MFHAS1: variants seen among roughly 807,000 people sequenced by gnomAD.
MFHAS1 encodes the protein malignant fibrous histiocytoma-amplified sequence 1.
A neutral mutation model predicts 70.4 loss-of-function variants in MFHAS1; 50 were observed. The observed-to-expected ratio is 0.71, with a 90% confidence interval of 0.57 to 0.90. The LOEUF is 0.90. Among genes scored for constraint, MFHAS1 ranks in the 40% least tolerant of loss-of-function variants. The pLI is 0.00. For synonymous variants in MFHAS1, 952 were observed against 620.0 expected (o/e 1.54, Z -7.96); for missense variants, 1,795 against 1,347.6 (o/e 1.33, Z -5.20).
rs188155351 is a variant in MFHAS1 at position 8,817,677 on chromosome 8, G to C, written c.2999-20186C>G. Among the ~76,000 whole-genome samples, 7 of 152,328 alleles carry C rather than the reference G, an allele frequency of 4.6e-5. No individual in the cohort carries two copies. In the East Asian group the frequency reaches 1.2e-3, roughly 25 times the overall value. Reference sequence around the variant, plus strand: ...CTGTTTGGCACTAGAAACCAGTTTCGTGGAAGATGATTTTTCCAGGGATGG... The same window carrying C: ...CTGTTTGGCACTAGAAACCAGTTTCCTGGAAGATGATTTTTCCAGGGATGG... On this transcript the variant is annotated intron_variant, in intron 1 of 2. Transcript: ENST00000276282.
chr8:8,813,600 A>G, intron 1 of MFHAS1, among the ~76,000 whole-genome samples: 1 of 152,334 alleles, frequency 6.6e-6, no homozygotes, highest in Non-Finnish European at 1.5e-5. Flanking sequence ...TAAAATTTAA[A>G]TAGAAAAAAC....
chr8:8,817,266 A>C (rs1169969842), intron 1 of MFHAS1, among the ~76,000 whole-genome samples: 1 of 146,100 alleles, frequency 6.8e-6, no homozygotes, highest in Non-Finnish European at 1.5e-5. Context: ...CTATGAAAGG[A>C]AAAAAAAAAA....
At position 8,784,187 on chromosome 8, in the gene MFHAS1, T is replaced by C. The variant is rs1419121003; in HGVS notation, c.*1835A>G. The C allele has an allele frequency of 6.6e-6, 1 of 152,138 alleles. No individual in the cohort carries two copies. Among genetic ancestry groups the C allele is most frequent in the South Asian group, 2.1e-4 (1 of 4,828 alleles). The allele number at this position is 152,138 out of a possible 1,614,324, so 9.4% of individuals were successfully genotyped here. ...AGGTCAAAGTTGGTTAATTTAACAG[T>C]TGAGGAACCGTCTCATGCCAATTAA... On this transcript the variant is annotated 3_prime_UTR_variant, in exon 3 of 3. Coordinates refer to ENST00000276282, the MANE Select transcript of MFHAS1 (RefSeq NM_004225.3).
intron 1 of MFHAS1, among the ~76,000 whole-genome samples, chr8:8,877,301 CAAAAAA>C (rs3989409): frequency 1.6e-5 from 1 of 63,796 alleles, no homozygotes. Context: ...GACCCTGCCT[CAAAAAA>C]AAAAAAAAAA....
intron 1 of MFHAS1, among the ~76,000 whole-genome samples, chr8:8,846,264 G>A (rs554298710): frequency 7.8e-5 from 7 of 90,242 alleles, no homozygotes; most frequent in Non-Finnish European, 1.7e-4. Context: ...AAAAAAAAGG[G>A]GGGGGGGGAA....
Position 8,853,215 on chromosome 8 carries a change from CA to C in MFHAS1, c.2998+36845del, listed in dbSNP as rs202210427. On this transcript the variant is annotated intron_variant, in intron 1 of 2. Transcript: ENST00000276282. ...CTCACACACACACTCACATACCCCC[CA>C]AAAAAAATGGAGGCTTAAAATACCC... is the stretch of plus-strand genomic sequence containing the variant. Among the ~76,000 whole-genome samples, 467 of 151,624 alleles carry C rather than the reference CA, an allele frequency of 3.1e-3. 3 individuals carry two copies. The highest frequency in any genetic ancestry group is 0.01 in the African/African-American group (422 of 41,384).
chr8:8,870,528 G>C (rs1004209242), intron 1 of MFHAS1, among the ~76,000 whole-genome samples: 2 of 152,066 alleles, frequency 1.3e-5, no homozygotes, highest in African/African-American at 2.4e-5. Context: ...ATTGATAAAT[G>C]AATAGTTGGG....
chr8:8,851,788 T>C (rs544717878), intron 1 of MFHAS1, among the ~76,000 whole-genome samples: 13 of 152,124 alleles, frequency 8.5e-5, no homozygotes, highest in Non-Finnish European at 1.3e-4. Flanking sequence ...CTTAAAGTAA[T>C]AGTAAACTAA....
chr8:8,891,066 C>G lies in MFHAS1; in HGVS notation c.1993G>C (p.Val665Leu), dbSNP rs757009597. 2.0e-5 allele frequency: 33 copies of G among 1,613,638 alleles called. No homozygotes were observed. The highest frequency in any genetic ancestry group is 2.7e-5 in the Non-Finnish European group (32 of 1,179,930). Reference protein sequence around the residue: ...LHRVLPRSWQVLEELHFQPPQ... With the variant: ...LHRVLPRSWQLLEELHFQPPQ... Reference sequence around the variant, plus strand: ...GGCTGGAAATGCAGTTCCTCCAGCACCTGCCAGGATCGAGGCAGTACTCTG... The same window carrying G: ...GGCTGGAAATGCAGTTCCTCCAGCAGCTGCCAGGATCGAGGCAGTACTCTG... The change falls in exon 1 of 3, where the codon GTG becomes CTG. Residue 665 changes from valine (V) to leucine (L), a missense_variant. Coordinates refer to ENST00000276282, the MANE Select transcript of MFHAS1 (RefSeq NM_004225.3). This position sits in a 1 kb window ranked among gnomAD's most constrained non-coding sequence, Gnocchi z 5.4.
Position 8,851,424 on chromosome 8 carries a change from G to C in MFHAS1, c.2998+38637C>G, listed in dbSNP as rs141240995. Reference sequence around the variant, plus strand: ...CAAACGTCTCAGAAATGCATGGACAGGTTCAGGGAAATACTCTTAAAAGTG... The same window carrying C: ...CAAACGTCTCAGAAATGCATGGACACGTTCAGGGAAATACTCTTAAAAGTG... On this transcript the variant is annotated intron_variant, in intron 1 of 2. Coordinates refer to ENST00000276282, the MANE Select transcript of MFHAS1 (RefSeq NM_004225.3). Among the ~76,000 whole-genome samples the C allele has an allele frequency of 4.0e-3, 609 of 152,296 alleles. 1 individual carries two copies. The highest frequency in any genetic ancestry group is 0.014 in the African/African-American group (572 of 41,568).
chr8:8,829,253 C>G (rs78852941), intron 1 of MFHAS1, among the ~76,000 whole-genome samples: 6 of 152,280 alleles, frequency 3.9e-5, no homozygotes, highest in African/African-American at 1.4e-4. Flanking sequence ...GTATGTGTAC[C>G]GGGCTGCACC....
chr8:8,883,409 C>T (rs1393193697), intron 1 of MFHAS1, among the ~76,000 whole-genome samples: 1 of 151,770 alleles, frequency 6.6e-6, no homozygotes, highest in Non-Finnish European at 1.5e-5. Context: ...TGTCCTTAAT[C>T]AAAAAGGGCT....
rs1438781361 is a variant in MFHAS1 at position 8,854,535 on chromosome 8, A to G, written c.2998+35526T>C. Among the ~76,000 whole-genome samples, 7 of 138,506 alleles carry G rather than the reference A, an allele frequency of 5.1e-5. No homozygotes were observed. In the South Asian group the frequency reaches 1.4e-3, roughly 28 times the overall value. The allele number at this position is 138,506 out of a possible 152,430, so 90.9% of individuals were successfully genotyped here. On this transcript the variant is annotated intron_variant, in intron 1 of 2. Transcript: ENST00000276282. ...GACTCTGTCTCAAAAAAAAAAAAAA[A>G]TTAGCCAGGTGAGGTGGTGCATGCC...
intron 1 of MFHAS1, among the ~76,000 whole-genome samples, chr8:8,873,072 A>T (rs1264889991): frequency 6.6e-6 from 1 of 152,208 alleles, no homozygotes; most frequent in Admixed American, 6.5e-5. Flanking sequence ...CTTGGGCACA[A>T]AACAGCCCAG....
intron 1 of MFHAS1, among the ~76,000 whole-genome samples, chr8:8,826,248 G>GTGTGTA (rs564001877): frequency 2.8e-4 from 1 of 3,582 alleles, no homozygotes; most frequent in Admixed American, 0.016. Context: ...AACACAAAGA[G>GTGTGTA]TGTGTGTGTG....
At chr8:8,883,652 G>A (rs1352804680) in intron 1 of MFHAS1, among the ~76,000 whole-genome samples, 3 of 134,572 alleles carry the variant, frequency 2.2e-5, no homozygotes, top group Non-Finnish European at 1.5e-5. Flanking sequence ...AGGTTGCAAT[G>A]AGCTCAGACA....
intron 1 of MFHAS1, among the ~76,000 whole-genome samples, chr8:8,842,960 G>C (rs951641064): frequency 6.6e-6 from 1 of 152,190 alleles, no homozygotes; most frequent in African/African-American, 2.4e-5. Context: ...GTAGTATCTG[G>C]TTAGCATCTA....
At chr8:8,867,633 C>CTG (rs1808911816) in intron 1 of MFHAS1, among the ~76,000 whole-genome samples, 2 of 151,762 alleles carry the variant, frequency 1.3e-5, no homozygotes, top group South Asian at 2.1e-4. Flanking sequence ...TCTCGGCTCA[C>CTG]CAAAAGCTCC....
At chr8:8,841,038 C>G (rs1382548800) in intron 1 of MFHAS1, among the ~76,000 whole-genome samples, 1 of 152,084 alleles carries the variant, frequency 6.6e-6, no homozygotes, top group Non-Finnish European at 1.5e-5. Flanking sequence ...TTCATTTAAC[C>G]TTAAATAAGT....
Sources: gnomAD v4.1 joint callset for allele counts (sites outside exome capture counted in the v4.1 genomes callset) on GRCh38, gnomAD v4.1.1 for gene constraint, Gnocchi (gnomAD v3.1) non-coding constraint, MANE v1.5 for transcripts, NCBI Gene and HGNC (gene_info 2026-07-23, HGNC 2026-07-21) for gene names.